FNTB: variants seen among roughly 807,000 people sequenced by gnomAD.
FNTB encodes the protein farnesyltransferase, CAAX box, subunit beta.
FNTB carries 27 observed loss-of-function variants against 59.4 expected under a neutral mutation model. The observed-to-expected ratio is 0.45, with a 90% CI of 0.34 to 0.63. The LOEUF (loss-of-function observed/expected upper bound fraction) is 0.63, where lower values mean the gene tolerates loss of function less well. Ranked by LOEUF, FNTB falls within the 20% of genes least tolerant of loss-of-function variation. The pLI is 0.02. For synonymous variants in FNTB, 230 were observed against 220.7 expected, an observed-to-expected ratio of 1.04 and a Z score of -0.37; for missense variants, 449 against 559.6, an observed-to-expected ratio of 0.80 and a Z score of 1.99.
Position 65,027,273 on chromosome 14 carries a change from T to C in FNTB, c.375-180T>C, listed in dbSNP as rs1268570025. On this transcript the variant is annotated intron_variant, in intron 4 of 11. Transcript: ENST00000246166. The surrounding 1 kb of genome is among the most constrained non-coding windows in gnomAD (Gnocchi z 5.7). ...AGAGGAGGGCAGACAGAAATGATGA[T>C]AGCTGGAGAGAGAATTAAGCCCTTT... is the stretch of plus-strand genomic sequence containing the variant. 1.1e-6 allele frequency: 1 copy of C among 926,798 alleles called. No homozygotes were observed. Among genetic ancestry groups the C allele is most frequent in the Non-Finnish European group, 1.6e-6 (1 of 627,930 alleles). 57.4% of individuals were successfully genotyped at this position (926,798 alleles called of 1,614,324 possible).
At chr14:64,987,285 G>C in intron 1 of FNTB, 188 bp downstream of exon 1, 2 of 650,246 alleles carry the variant, frequency 3.1e-6, no homozygotes, top group East Asian at 2.7e-5. Flanking sequence ...TGCGCGGCCA[G>C]CTTGGGGAAG....
At chr14:64,989,158 A>T (rs921460138) in intron 1 of FNTB, among the ~76,000 whole-genome samples, 1 of 152,016 alleles carries the variant, frequency 6.6e-6, no homozygotes, top group Admixed American at 6.6e-5. Flanking sequence ...CATTGCCAGT[A>T]AAAACAAATT....
chr14:65,054,732 C>T lies in FNTB; in HGVS notation c.1182+43C>T, dbSNP rs1277599869. 6.4e-7 allele frequency: 1 copy of T among 1,559,526 alleles called. No homozygotes were observed. Among genetic ancestry groups the T allele is most frequent in the Non-Finnish European group, 8.7e-7 (1 of 1,148,450 alleles). On this transcript the variant is annotated intron_variant, in intron 11 of 11. Coordinates refer to ENST00000246166, the MANE Select transcript of FNTB (RefSeq NM_002028.4). The surrounding 1 kb of genome is among the most constrained non-coding windows in gnomAD (Gnocchi z 4.4). ...CTTCACACCCCTTCTCCACAGGGAC[C>T]TCGCGGACAGAAGGCTTTCCAAGTA... is the stretch of plus-strand genomic sequence containing the variant.
chr14:64,988,662 C>T (rs1423459528), intron 1 of FNTB, among the ~76,000 whole-genome samples: 1 of 152,082 alleles, frequency 6.6e-6, no homozygotes, highest in Non-Finnish European at 1.5e-5. Context: ...GAACTCCTGA[C>T]CTCCAGTGAT....
In FNTB at chr14:65,011,924, G is replaced by A. The variant is rs915883136; in HGVS notation, c.210-393G>A. ...ACAGCGGCTGAGGCAGGGAAGTGGC[G>A]AGGCTCAGATTTAAATTGCTTATAG... is the stretch of plus-strand genomic sequence containing the variant. On this transcript the variant is annotated intron_variant, in intron 2 of 11. Coordinates refer to ENST00000246166, the MANE Select transcript of FNTB (RefSeq NM_002028.4). This position sits in a 1 kb window ranked among gnomAD's most constrained non-coding sequence, Gnocchi z 4.0. 1.3e-5 allele frequency among the ~76,000 whole-genome samples: 2 copies of A among 152,144 alleles called. No homozygotes were observed. The highest frequency in any genetic ancestry group is 2.1e-4 in the South Asian group (1 of 4,820).
At position 64,986,909 on chromosome 14, in the gene FNTB, C is replaced by T. The variant is rs376226292; in HGVS notation, c.-45C>T. Reference sequence around the variant, plus strand: ...GCTCGAGTTTCAATGCGCGTTGTTGCTTAACGAAGCAGAGTCCTACACACT... The same window carrying T: ...GCTCGAGTTTCAATGCGCGTTGTTGTTTAACGAAGCAGAGTCCTACACACT... On this transcript the variant is annotated 5_prime_UTR_variant, in exon 1 of 12. Transcript: ENST00000246166. 6.2e-6 allele frequency: 10 copies of T among 1,610,648 alleles called. No individual in the cohort carries two copies. The highest frequency in any genetic ancestry group is 8.5e-6 in the Non-Finnish European group (10 of 1,177,170).
rs78203310 is a variant in FNTB at position 64,992,720 on chromosome 14, C to G, written c.144+5623C>G. On this transcript the variant is annotated intron_variant, in intron 1 of 11. Transcript: ENST00000246166. ...TGTAGCCTTGACCTCACAGGCCTGCCTTGGCCTACCAAAGTGTTGGGATTA... is the reference window on the plus strand; with the variant it reads ...TGTAGCCTTGACCTCACAGGCCTGCGTTGGCCTACCAAAGTGTTGGGATTA... 6.4e-3 allele frequency among the ~76,000 whole-genome samples: 974 copies of G among 152,180 alleles called. 12 individuals carry two copies. The highest frequency in any genetic ancestry group is 0.022 in the African/African-American group (920 of 41,508).
At chr14:65,025,472 G>A (rs1461383476) in intron 4 of FNTB, among the ~76,000 whole-genome samples, 1 of 152,116 alleles carries the variant, frequency 6.6e-6, no homozygotes, top group Non-Finnish European at 1.5e-5. Context: ...ATGACGATTT[G>A]GAAAGAAGGA....
intron 11 of FNTB, 118 bp from the exon 12 acceptor site, chr14:65,061,063 T>A: frequency 6.7e-7 from 1 of 1,496,058 alleles, no homozygotes; most frequent in Non-Finnish European, 9.0e-7. Flanking sequence ...TTGGGCTTTG[T>A]GTGTATCTCT....
chr14:65,022,171 C>T (rs1314562819), intron 4 of FNTB: 8 of 424,828 alleles, frequency 1.9e-5, no homozygotes, highest in Middle Eastern at 4.7e-4. Flanking sequence ...TTAGTTAGTA[C>T]GAGAACAAGC....
chr14:65,040,249 A>ATATATATATG (rs527946937), intron 7 of FNTB, among the ~76,000 whole-genome samples: 4 of 146,738 alleles, frequency 2.7e-5, no homozygotes, highest in African/African-American at 7.4e-5. Context: ...GGTTATCACT[A>ATATATATATG]TATATATATG....
chr14:65,038,516 G>A (rs1210704532), intron 7 of FNTB, among the ~76,000 whole-genome samples: 3 of 151,812 alleles, frequency 2.0e-5, no homozygotes, highest in South Asian at 2.1e-4. Context: ...TCAGGAGTTC[G>A]AAACCAGCCT....
In FNTB at chr14:64,994,648, A is replaced by G. The variant is rs1594983911; in HGVS notation, c.144+7551A>G. Among the ~76,000 whole-genome samples, 2 of 152,238 alleles carry G rather than the reference A, an allele frequency of 1.3e-5. No homozygotes were observed. The highest frequency in any genetic ancestry group is 2.4e-5 in the African/African-American group (1 of 41,470). ...AAAAATATGTTATAAAAGATAAAAA[A>G]TGATAGACCTATCTAGGGAACTTAG... On this transcript the variant is annotated intron_variant, in intron 1 of 11. Transcript: ENST00000246166. This position sits in a 1 kb window ranked among gnomAD's most constrained non-coding sequence, Gnocchi z 4.2.
intron 9 of FNTB, among the ~76,000 whole-genome samples, chr14:65,046,505 T>C (rs1006957180): frequency 3.3e-5 from 5 of 152,212 alleles, no homozygotes; most frequent in Non-Finnish European, 7.3e-5. Context: ...GTAGCACATG[T>C]TCTAGGGGGC....
At position 65,009,810 on chromosome 14, in the gene FNTB, G is replaced by A. The variant is rs2061656153; in HGVS notation, c.210-2507G>A. 1.3e-5 allele frequency among the ~76,000 whole-genome samples: 2 copies of A among 152,042 alleles called. 1 individual carries two copies. Among genetic ancestry groups the A allele is most frequent in the South Asian group, 4.2e-4 (2 of 4,808 alleles). On this transcript the variant is annotated intron_variant, in intron 2 of 11. Coordinates refer to ENST00000246166, the MANE Select transcript of FNTB (RefSeq NM_002028.4). The surrounding 1 kb of genome is among the most constrained non-coding windows in gnomAD (Gnocchi z 4.2). Reference sequence around the variant, plus strand: ...CCTTAAACTCAATGCTCTTCCCTTTGGGAAGAGTTTTCTGACCCTCCATCT... The same window carrying A: ...CCTTAAACTCAATGCTCTTCCCTTTAGGAAGAGTTTTCTGACCCTCCATCT...
intron 4 of FNTB, chr14:65,016,626 T>A (rs917738494): frequency 3.9e-5 from 6 of 152,314 alleles, no homozygotes; most frequent in Non-Finnish European, 8.8e-5. Context: ...TCAGTCACAT[T>A]GTCAGGTCAG....
intron 10 of FNTB, 128 bp downstream of exon 10, chr14:65,053,477 G>A (rs1308142339): frequency 2.5e-6 from 2 of 815,332 alleles, no homozygotes; most frequent in South Asian, 6.3e-5. Context: ...ATAGCGCTAG[G>A]TTGTATGGGA....
At chr14:65,053,936 A>G (rs2062670560) in intron 10 of FNTB, among the ~76,000 whole-genome samples, 2 of 152,190 alleles carry the variant, frequency 1.3e-5, no homozygotes, top group Admixed American at 1.3e-4. Flanking sequence ...ATTTTTCTAG[A>G]GAAGTGTATC....
rs1888335957 is a variant in FNTB at position 64,994,864 on chromosome 14, T to TA, written c.144+7768dup. Reference sequence around the variant, plus strand: ...GCTTAAGCTACACTAAATTTATTCATACGCTTTTTTCTTTCAATAATAAAT... The same window carrying TA: ...GCTTAAGCTACACTAAATTTATTCATAACGCTTTTTTCTTTCAATAATAAAT... On this transcript the variant is annotated intron_variant, in intron 1 of 11. Coordinates refer to ENST00000246166, the MANE Select transcript of FNTB (RefSeq NM_002028.4). The surrounding 1 kb of genome is among the most constrained non-coding windows in gnomAD (Gnocchi z 4.2). Among the ~76,000 whole-genome samples the TA allele has an allele frequency of 6.6e-6, 1 of 152,216 alleles. No homozygotes were observed.
Sources: gnomAD v4.1 joint callset for allele counts (sites outside exome capture counted in the v4.1 genomes callset) on GRCh38, gnomAD v4.1.1 for gene constraint, Gnocchi (gnomAD v3.1) non-coding constraint, MANE v1.5 for transcripts, NCBI Gene and HGNC (gene_info 2026-07-23, HGNC 2026-07-21) for gene names.